USP36: variants seen among roughly 807,000 people sequenced by gnomAD.
USP36 encodes ubiquitin specific peptidase 36.
USP36 carries 59 observed loss-of-function variants against 111.5 expected under a neutral mutation model. The observed-to-expected ratio is 0.53, with a 90% CI of 0.43 to 0.66. The LOEUF is 0.66. Ranked by LOEUF, USP36 falls within the 30% of genes least tolerant of loss-of-function variation. The pLI, the probability that USP36 is intolerant of heterozygous loss-of-function variation, is 0.00. For synonymous variants in USP36, 628 were observed against 581.0 expected (o/e 1.08, Z -1.16); for missense variants, 1,488 against 1,468.0 (o/e 1.01, Z -0.22).
chr17:78,793,424 G>A (rs1431860864), downstream of USP36, among the ~76,000 whole-genome samples: 1 of 152,164 alleles, frequency 6.6e-6, no homozygotes, highest in African/African-American at 2.4e-5. Context: ...CCTGAAAGCC[G>A]AATCCATGGC....
chr17:78,834,175 A>C (rs1282696187), intron 4 of USP36, among the ~76,000 whole-genome samples: 2 of 151,336 alleles, frequency 1.3e-5, no homozygotes. Context: ...TGCACCCAGG[A>C]GGCGGAGGTT....
At chr17:78,829,082 C>CGTT in intron 4 of USP36, 75 bp from the exon 5 acceptor site, 1 of 1,288,220 alleles carries the variant, frequency 7.8e-7, no homozygotes, top group Non-Finnish European at 1.1e-6. Flanking sequence ...CCACCCCAAA[C>CGTT]GTTAACACAG....
intron 5 of USP36, among the ~76,000 whole-genome samples, 189 bp from the exon 6 acceptor site, chr17:78,827,536 C>G (rs2067674777): frequency 6.6e-6 from 1 of 152,142 alleles, no homozygotes; most frequent in African/African-American, 2.4e-5. Flanking sequence ...TCATGGCCAC[C>G]ACTTTCTCAA....
At chr17:78,834,502 G>A (rs562592209) in intron 4 of USP36, among the ~76,000 whole-genome samples, 46 of 152,166 alleles carry the variant, frequency 3.0e-4, no homozygotes, top group Non-Finnish European at 5.7e-4. Context: ...GAGTGCAGCG[G>A]CATGATCTTG....
chr17:78,806,140 C>G lies in USP36; in HGVS notation c.2216+16G>C. 6.2e-7 allele frequency: 1 copy of G among 1,612,560 alleles called. No individual in the cohort carries two copies. Among genetic ancestry groups the G allele is most frequent in the Non-Finnish European group, 8.5e-7 (1 of 1,179,706 alleles). ...AGAACCAGTTGGCACCCAGAAGATC[C>G]CGGCCCAAAGCTTACCTGGCTCTAT... On this transcript the variant is annotated intron_variant, in intron 15 of 20. Transcript: ENST00000449938.
In USP36 at chr17:78,798,462, C is replaced by A. The variant is rs752003990; in HGVS notation, c.3330G>T (p.Val1110=). The change falls in exon 20 of 21, where the codon GTG becomes GTT. Residue 1110 remains valine, a synonymous_variant. Transcript: ENST00000449938. The surrounding 1 kb of genome is among the most constrained non-coding windows in gnomAD (Gnocchi z 5.1). ...KLQTRRNFWS[V]THPAKAASLS... ...GGCTGGCAGCCTTTGCTGGGTGAGTCACAGACCAGAAGTTCCGTCGAGTCT... is the reference window on the plus strand; with the variant it reads ...GGCTGGCAGCCTTTGCTGGGTGAGTAACAGACCAGAAGTTCCGTCGAGTCT... 7 of 1,614,220 alleles carry A rather than the reference C, an allele frequency of 4.3e-6. No individual in the cohort carries two copies. Among genetic ancestry groups the A allele is most frequent in the Non-Finnish European group, 5.9e-6 (7 of 1,180,044 alleles).
intron 4 of USP36, among the ~76,000 whole-genome samples, chr17:78,833,086 T>C (rs2068296572): frequency 6.6e-6 from 1 of 151,820 alleles, no homozygotes; most frequent in Admixed American, 6.6e-5. Context: ...AGGCGGGGGT[T>C]GCAGTGAGCC....
rs572131998 is a variant in USP36 at position 78,832,126 on chromosome 17, ATAGAGAGATT to A, written c.476-3129_476-3120del. Among the ~76,000 whole-genome samples, 384 of 152,316 alleles carry A rather than the reference ATAGAGAGATT, an allele frequency of 2.5e-3. 3 individuals are homozygous for A. The highest frequency in any genetic ancestry group is 2.9e-3 in the Non-Finnish European group (198 of 68,032). ...AAAGTCAATCCATGACTACACGGACATAGAGAGATTTGGGAAACAAAAGGACAGGACTGAA... is the reference window on the plus strand; with the variant it reads ...AAAGTCAATCCATGACTACACGGACATGGGAAACAAAAGGACAGGACTGAA... On this transcript the variant is annotated intron_variant, in intron 4 of 20. Transcript: ENST00000449938.
At chr17:78,834,410 GA>G (rs1341838614) in intron 4 of USP36, among the ~76,000 whole-genome samples, 1 of 151,870 alleles carries the variant, frequency 6.6e-6, no homozygotes, top group Non-Finnish European at 1.5e-5. Flanking sequence ...TAATCAAATA[GA>G]GCACACCACC....
chr17:78,821,802 T>C (rs2094337504), intron 7 of USP36, 135 bp downstream of exon 7: 2 of 963,798 alleles, frequency 2.1e-6, no homozygotes, highest in Non-Finnish European at 3.1e-6. Context: ...GAGGAAACCA[T>C]GGCTCAAGAC....
intron 15 of USP36, among the ~76,000 whole-genome samples, chr17:78,804,414 C>T (rs1205494189): frequency 1.3e-5 from 2 of 148,810 alleles, no homozygotes; most frequent in South Asian, 2.1e-4. Flanking sequence ...TGAGCCGAAT[C>T]GCGCCACTGC....
At chr17:78,799,555 G>A (rs1264808446) in intron 18 of USP36, 112 bp downstream of exon 18, 15 of 947,750 alleles carry the variant, frequency 1.6e-5, no homozygotes, top group East Asian at 5.3e-5. Flanking sequence ...TCTCAAAGCC[G>A]AGCGATGCCC....
chr17:78,834,733 T>C (rs2068486153), intron 4 of USP36, among the ~76,000 whole-genome samples: 1 of 152,126 alleles, frequency 6.6e-6, no homozygotes, highest in Admixed American at 6.6e-5. Context: ...CCGGCCTTGA[T>C]TTGTTTTTGT....
In USP36 at chr17:78,813,817, G is replaced by C. The variant is rs1265537847; in HGVS notation, c.1221C>G (p.Val407=). The C allele has an allele frequency of 3.1e-6, 5 of 1,614,050 alleles. No homozygotes were observed. The African/African-American group carries it at 5.3e-5, about 17-fold the overall frequency. ...AGGCCTGCTGGTTCAGAACCACCTT[G>C]ACGTTGCTGGAATGGACCAAGGAAT... is the stretch of plus-strand genomic sequence containing the variant. The part of the protein sequence containing the change: ...MNDSLVHSSN[V]KVVLNQQAYV... The change falls in exon 12 of 21, where the codon GTC becomes GTG. Residue 407 remains valine (V), a synonymous_variant. Transcript: ENST00000449938.
chr17:78,824,728 T>C (rs1309284794), intron 6 of USP36, among the ~76,000 whole-genome samples: 1 of 152,118 alleles, frequency 6.6e-6, no homozygotes, highest in Non-Finnish European at 1.5e-5. Context: ...TAACAGGAAA[T>C]GTGAAGGGGC....
chr17:78,790,500 C>G (rs1314912804), intron 3 of USP36, among the ~76,000 whole-genome samples: 1 of 152,020 alleles, frequency 6.6e-6, no homozygotes, highest in Non-Finnish European at 1.5e-5. Flanking sequence ...ACTATGTTAG[C>G]CAGGCTGGTT....
In USP36 at chr17:78,807,310, G is replaced by A. The variant is rs1351087250; in HGVS notation, c.1734C>T (p.Val578=). 3 of 1,614,180 alleles carry A rather than the reference G, an allele frequency of 1.9e-6. No homozygotes were observed. Among genetic ancestry groups the A allele is most frequent in the Middle Eastern group, 1.6e-4 (1 of 6,062 alleles). Residue 578 remains valine, a synonymous_variant, in exon 14 of 21, where the codon GTC becomes GTT. Transcript: ENST00000449938. ...RQGSWDSRDV[V]LSTSPKLLAT... ...CCAGGAGCTTAGGTGAGGTAGAGAG[G>A]ACAACATCCCTGCTGTCCCAGGAGC...
chr17:78,812,934 G>C lies in USP36; in HGVS notation c.1333C>G (p.Arg445Gly), dbSNP rs200588002. The change falls in exon 13 of 21, where the codon CGC (arginine) becomes GGC (glycine). Residue 445 changes from arginine to glycine, a missense_variant. Coordinates refer to ENST00000449938, the MANE Select transcript of USP36 (RefSeq NM_001385174.1). ...SRTGSSSLPGRPSVIPDHSKK... is the reference protein window; with the variant it reads ...SRTGSSSLPGGPSVIPDHSKK... ...GAGTGATCTGGAATCACACTCGGGC[G>C]GCCGGGAAGGGAGGAGGAGCCTGTC... 1.2e-6 allele frequency: 2 copies of C among 1,614,002 alleles called. No individual in the cohort carries two copies. The highest frequency in any genetic ancestry group is 1.1e-5 in the South Asian group (1 of 91,084).
chr17:78,822,685 C>T (rs966579092), intron 6 of USP36, among the ~76,000 whole-genome samples: 2 of 152,218 alleles, frequency 1.3e-5, no homozygotes, highest in African/African-American at 2.4e-5. Flanking sequence ...CCCACGCCTA[C>T]GTATCCATAT....
Sources: allele counts gnomAD v4.1 joint callset (sites outside exome capture counted in the v4.1 genomes callset), GRCh38; gene constraint gnomAD v4.1.1; non-coding constraint Gnocchi (gnomAD v3.1); transcripts MANE v1.5; gene names NCBI Gene and HGNC (gene_info 2026-07-23, HGNC 2026-07-21).